RIMBP2: variants seen among roughly 807,000 people sequenced by gnomAD.
The protein encoded by RIMBP2 is RIMS binding protein 2.
In RIMBP2, 48 loss-of-function variants were observed where a neutral mutation model predicts 118.6. That is an observed-to-expected ratio of 0.40 (90% CI 0.32 to 0.51). The LOEUF is 0.51. RIMBP2 is among the 20% of genes least tolerant of loss of function. The pLI is 0.41. For synonymous variants in RIMBP2, 762 were observed against 742.9 expected (o/e 1.03, Z -0.42); for missense variants, 1,551 against 1,768.3 (o/e 0.88, Z 2.20).
intron 1 of RIMBP2, among the ~76,000 whole-genome samples, chr12:130,664,441 A>ACC (rs1425969917): frequency 1.0e-5 from 1 of 95,824 alleles, no homozygotes; most frequent in African/African-American, 3.4e-5. Flanking sequence ...GCATGCACGC[A>ACC]CACACGCACA....
chr12:130,474,503 T>C (rs1212399021), intron 5 of RIMBP2, among the ~76,000 whole-genome samples: 1 of 151,938 alleles, frequency 6.6e-6, no homozygotes. Context: ...TGCCAACAGG[T>C]GGAGGTGGGC....
chr12:130,443,890 GTATCTAT>G (rs2137209601), intron 10 of RIMBP2, among the ~76,000 whole-genome samples: 1 of 152,256 alleles, frequency 6.6e-6, no homozygotes, highest in African/African-American at 2.4e-5. Flanking sequence ...GAAGACCGTC[GTATCTAT>G]TATCTCATTT....
intron 2 of RIMBP2, among the ~76,000 whole-genome samples, chr12:130,536,524 C>T (rs748763014): frequency 5.3e-5 from 8 of 152,156 alleles, no homozygotes; most frequent in Non-Finnish European, 1.0e-4. Context: ...AGTATCTAGA[C>T]TTCCACTTAC....
At chr12:130,654,054 G>A (rs1302173827) in intron 1 of RIMBP2, among the ~76,000 whole-genome samples, 1 of 152,142 alleles carries the variant, frequency 6.6e-6, no homozygotes, top group South Asian at 2.1e-4. Flanking sequence ...TAGCACTTGG[G>A]TCCTTTTTAG....
chr12:130,559,578 G>T (rs2056648306), intron 2 of RIMBP2, among the ~76,000 whole-genome samples: 1 of 152,132 alleles, frequency 6.6e-6, no homozygotes, highest in Non-Finnish European at 1.5e-5. Context: ...GGACACTTAG[G>T]TTGATCCTAC....
rs1328834436 is a variant in RIMBP2 at position 130,422,396 on chromosome 12, T to A, written c.3238+57A>T. 20 of 1,243,862 alleles carry A rather than the reference T, an allele frequency of 1.6e-5. No individual in the cohort carries two copies. The highest frequency in any genetic ancestry group is 2.3e-5 in the Non-Finnish European group (20 of 860,386). The allele number at this position is 1,243,862 out of a possible 1,614,324, so 77.1% of individuals were successfully genotyped here. ...AAGTTTTGTTCATGCTTAGATGGAGTAAGCAGCCACATGCTCCGCGGCTGA... is the reference window on the plus strand; with the variant it reads ...AAGTTTTGTTCATGCTTAGATGGAGAAAGCAGCCACATGCTCCGCGGCTGA... On this transcript the variant is annotated intron_variant, in intron 17 of 22. Transcript: ENST00000690449. The surrounding 1 kb of genome is among the most constrained non-coding windows in gnomAD (Gnocchi z 5.2).
rs368266956 is a variant in RIMBP2, at chr12:130,539,839, G to C, written c.-216-21922C>G. On this transcript the variant is annotated intron_variant, in intron 2 of 22. Coordinates refer to ENST00000690449, the MANE Select transcript of RIMBP2 (RefSeq NM_001393629.1). ...GGTGTAGGATATGGCAAATGCAGTC[G>C]ATGAGGTGGCCAGGTGTAGGATATG... 3.4e-4 allele frequency among the ~76,000 whole-genome samples: 40 copies of C among 116,914 alleles called. 3 individuals are homozygous for C. The highest frequency in any genetic ancestry group is 1.1e-3 in the East Asian group (3 of 2,736). The allele number at this position is 116,914 out of a possible 152,430, so 76.7% of individuals were successfully genotyped here.
At chr12:130,405,303 C>G (rs1287573923) in intron 21 of RIMBP2, among the ~76,000 whole-genome samples, 6 of 152,172 alleles carry the variant, frequency 3.9e-5, no homozygotes, top group African/African-American at 1.4e-4. Flanking sequence ...AATCAGAAAC[C>G]AGGCAGAGGA....
At chr12:130,566,881 C>T (rs2057260433) in intron 2 of RIMBP2, among the ~76,000 whole-genome samples, 1 of 152,222 alleles carries the variant, frequency 6.6e-6, no homozygotes, top group Non-Finnish European at 1.5e-5. Flanking sequence ...TCTCCTAGGG[C>T]TGCATTAAGG....
intron 22 of RIMBP2, 106 bp downstream of exon 22, chr12:130,399,573 T>G (rs2074331964): frequency 7.4e-7 from 1 of 1,345,344 alleles, no homozygotes; most frequent in African/African-American, 1.5e-5. Flanking sequence ...TCAGGGTGTA[T>G]TTACGCTTTT....
intron 4 of RIMBP2, among the ~76,000 whole-genome samples, chr12:130,495,127 C>A (rs566201721): frequency 6.6e-6 from 1 of 152,240 alleles, no homozygotes; most frequent in African/African-American, 2.4e-5. Context: ...GACATCTGGA[C>A]AGACTCATTT....
At chr12:130,684,379 G>GAGGGC (rs1206432214) in intron 1 of RIMBP2, among the ~76,000 whole-genome samples, 1 of 152,220 alleles carries the variant, frequency 6.6e-6, no homozygotes. Context: ...AGGACCTCCT[G>GAGGGC]AGGGCCGTGT....
chr12:130,692,683 T>C (rs1013098470), intron 1 of RIMBP2, among the ~76,000 whole-genome samples: 2 of 152,044 alleles, frequency 1.3e-5, no homozygotes, highest in Admixed American at 6.6e-5. Flanking sequence ...TAGCAAGGCA[T>C]AGCATGATCT....
intron 2 of RIMBP2, among the ~76,000 whole-genome samples, chr12:130,598,805 A>G (rs1285127784): frequency 1.3e-5 from 2 of 152,196 alleles, no homozygotes; most frequent in East Asian, 1.9e-4. Flanking sequence ...AAGGTAATGC[A>G]TCGGATAGAC....
intron 16 of RIMBP2, among the ~76,000 whole-genome samples, chr12:130,423,174 A>G (rs2076523442): frequency 6.6e-6 from 1 of 152,220 alleles, no homozygotes; most frequent in African/African-American, 2.4e-5. Flanking sequence ...AGGATTGACT[A>G]AAGACAATCA....
chr12:130,663,305 G>A (rs2063739646), intron 1 of RIMBP2, among the ~76,000 whole-genome samples: 1 of 152,218 alleles, frequency 6.6e-6, no homozygotes, highest in Non-Finnish European at 1.5e-5. Flanking sequence ...CCCTGAGACA[G>A]CCTGGGAGGG....
rs1367476819 is a variant in RIMBP2 at position 130,469,965 on chromosome 12, G to T, written c.153+728C>A. Among the ~76,000 whole-genome samples the T allele has an allele frequency of 6.6e-6, 1 of 152,174 alleles. No individual in the cohort carries two copies. The highest frequency in any genetic ancestry group is 1.5e-5 in the Non-Finnish European group (1 of 68,026). On this transcript the variant is annotated intron_variant, in intron 6 of 22. Coordinates refer to ENST00000690449, the MANE Select transcript of RIMBP2 (RefSeq NM_001393629.1). This position sits in a 1 kb window ranked among gnomAD's most constrained non-coding sequence, Gnocchi z 4.8. ...ATGCAGACAGCAGAGGCCTGAGGGG[G>T]ACCCCATAGCCCTCCCTGTCTGCCT... is the stretch of plus-strand genomic sequence containing the variant.
At chr12:130,561,646 A>T (rs1425624865) in intron 2 of RIMBP2, among the ~76,000 whole-genome samples, 1 of 152,216 alleles carries the variant, frequency 6.6e-6, no homozygotes, top group Non-Finnish European at 1.5e-5. Flanking sequence ...GCCATTAAAC[A>T]CATGTGGTCA....
At chr12:130,600,394 G>A (rs1429815648) in intron 2 of RIMBP2, among the ~76,000 whole-genome samples, 3 of 152,046 alleles carry the variant, frequency 2.0e-5, no homozygotes, top group African/African-American at 7.2e-5. Flanking sequence ...CCCTCCTGCC[G>A]GAAGGATGTC....
Sources: gnomAD v4.1 joint callset for allele counts (sites outside exome capture counted in the v4.1 genomes callset) on GRCh38, gnomAD v4.1.1 for gene constraint, Gnocchi (gnomAD v3.1) non-coding constraint, MANE v1.5 for transcripts, NCBI Gene and HGNC (gene_info 2026-07-23, HGNC 2026-07-21) for gene names.